MAP3K8: variants seen among roughly 807,000 people sequenced by gnomAD.
MAP3K8 encodes mitogen-activated protein kinase kinase kinase 8.
MAP3K8 carries 22 observed loss-of-function variants against 45.8 expected under a neutral mutation model. That is an observed-to-expected ratio of 0.48 (90% CI 0.34 to 0.69). The LOEUF is 0.69. Among genes scored for constraint, MAP3K8 ranks in the 30% least tolerant of loss-of-function variants. The pLI is 0.01. For synonymous variants in MAP3K8, 223 were observed against 214.3 expected, an observed-to-expected ratio of 1.04 and a Z score of -0.36; for missense variants, 419 against 585.0, an observed-to-expected ratio of 0.72 and a Z score of 2.93.
chr10:30,434,674 G>T, intron 1 of MAP3K8: 1 of 985,538 alleles, frequency 1.0e-6, no homozygotes, highest in Non-Finnish European at 1.2e-6. Context: ...GCGCGGGGAA[G>T]CGGGGACCCG....
At chr10:30,458,258 C>CG in intron 7 of MAP3K8, 22 bp downstream of exon 7, 7 of 499,838 alleles carry the variant, frequency 1.4e-5, no homozygotes, top group South Asian at 5.4e-5. Context: ...TCAACCAGGG[C>CG]TGGGGGCGGC....
chr10:30,448,413 A>ATTT (rs10641056), intron 4 of MAP3K8, among the ~76,000 whole-genome samples: 5,649 of 142,044 alleles, frequency 0.04, 332 homozygotes, highest in African/African-American at 0.12. Context: ...CCTATCCCAA[A>ATTT]TTTATTATTA....
intron 3 of MAP3K8, among the ~76,000 whole-genome samples, chr10:30,446,639 G>A (rs760267935): frequency 1.8e-4 from 27 of 151,920 alleles, no homozygotes; most frequent in African/African-American, 6.0e-4. Context: ...GTACTGAGGC[G>A]ATTTATCCCT....
intron 1 of MAP3K8, among the ~76,000 whole-genome samples, chr10:30,435,274 C>T (rs1052725106): frequency 2.0e-5 from 3 of 152,182 alleles, no homozygotes; most frequent in African/African-American, 4.8e-5. Context: ...TCGTTTGTGC[C>T]AAGGAGAGTG....
intron 3 of MAP3K8, among the ~76,000 whole-genome samples, chr10:30,442,558 A>T (rs1348380797): frequency 6.6e-6 from 1 of 152,226 alleles, no homozygotes; most frequent in Non-Finnish European, 1.5e-5. Flanking sequence ...ACTAAAAATA[A>T]TATTTGTTAA....
chr10:30,447,758 T>C (rs1836390631), intron 3 of MAP3K8, 24 bp from the exon 4 acceptor site: 1 of 1,606,092 alleles, frequency 6.2e-7, no homozygotes, highest in African/African-American at 1.3e-5. Context: ...GTTCTCACCG[T>C]CTCACATTTT....
At chr10:30,443,443 T>C (rs1170218496) in intron 3 of MAP3K8, among the ~76,000 whole-genome samples, 1 of 152,250 alleles carries the variant, frequency 6.6e-6, no homozygotes, top group Non-Finnish European at 1.5e-5. Context: ...CCAGATCTTG[T>C]CTCTTCTTTC....
chr10:30,451,615 A>C, intron 5 of MAP3K8, 23 bp from the exon 6 acceptor site: 1 of 1,422,502 alleles, frequency 7.0e-7, no homozygotes, highest in Non-Finnish European at 9.7e-7. Context: ...ATTTTATCTT[A>C]AAAATATTTC....
chr10:30,453,419 A>G (rs922523744), intron 6 of MAP3K8, among the ~76,000 whole-genome samples: 4 of 152,212 alleles, frequency 2.6e-5, no homozygotes, highest in African/African-American at 9.7e-5. Context: ...TTAAAGATGT[A>G]AAACAGCACT....
At chr10:30,459,571 T>C in intron 8 of MAP3K8, 70 bp downstream of exon 8, 1 of 1,562,566 alleles carries the variant, frequency 6.4e-7, no homozygotes, top group Non-Finnish European at 8.7e-7. Context: ...ACCTCTGATG[T>C]AGTTCATGAA....
At chr10:30,457,721 C>A (rs1481775111) in intron 6 of MAP3K8, among the ~76,000 whole-genome samples, 1 of 152,178 alleles carries the variant, frequency 6.6e-6, no homozygotes, top group Non-Finnish European at 1.5e-5. Context: ...TCTCGGCTCA[C>A]AGCAGCCTCC....
chr10:30,441,711 C>T (rs994281941), intron 3 of MAP3K8, among the ~76,000 whole-genome samples: 7 of 152,144 alleles, frequency 4.6e-5, no homozygotes, highest in African/African-American at 1.7e-4. Context: ...AGATGGACTA[C>T]ATTGCTGTGC....
At chr10:30,446,982 C>T (rs910710153) in intron 3 of MAP3K8, among the ~76,000 whole-genome samples, 4 of 152,038 alleles carry the variant, frequency 2.6e-5, no homozygotes, top group African/African-American at 4.8e-5. Context: ...AACTCCTGGC[C>T]TCAAGATATC....
chr10:30,447,716 G>A (rs927244814), intron 3 of MAP3K8, 66 bp from the exon 4 acceptor site: 3 of 1,205,714 alleles, frequency 2.5e-6, no homozygotes, highest in African/African-American at 1.5e-5. Context: ...CTTCCTAATA[G>A]GTGGGTCTTA....
chr10:30,436,741 C>T (rs1180335879), intron 1 of MAP3K8, among the ~76,000 whole-genome samples: 6 of 150,040 alleles, frequency 4.0e-5, no homozygotes, highest in African/African-American at 1.5e-4. Context: ...CCCAGATCAG[C>T]AGAGTGAATT....
At chr10:30,437,983 C>T (rs8176964) in intron 2 of MAP3K8, among the ~76,000 whole-genome samples, 2,680 of 152,212 alleles carry the variant, frequency 0.018, 79 homozygotes, top group African/African-American at 0.06. Context: ...CAGTTTTTAC[C>T]CTTGCTTTAC....
At chr10:30,459,572 A>G (rs1836862014) in intron 8 of MAP3K8, 71 bp downstream of exon 8, 14 of 1,533,510 alleles carry the variant, frequency 9.1e-6, no homozygotes, top group South Asian at 2.3e-5. Context: ...CCTCTGATGT[A>G]GTTCATGAAA....
At chr10:30,444,853 G>A (rs1836258193) in intron 3 of MAP3K8, among the ~76,000 whole-genome samples, 1 of 152,176 alleles carries the variant, frequency 6.6e-6, no homozygotes, top group Admixed American at 6.5e-5. Flanking sequence ...AGACTAGGAG[G>A]TATGCTTTGG....
intron 6 of MAP3K8, among the ~76,000 whole-genome samples, chr10:30,452,842 A>ATT (rs34295067): frequency 2.7e-5 from 4 of 146,006 alleles, no homozygotes; most frequent in South Asian, 2.2e-4. Context: ...CATCCAGCTA[A>ATT]TTTTTTTTTT....
Sources: gnomAD v4.1 joint callset for allele counts (sites outside exome capture counted in the v4.1 genomes callset) on GRCh38, gnomAD v4.1.1 for gene constraint, MANE v1.5 for transcripts, NCBI Gene and HGNC (gene_info 2026-07-23, HGNC 2026-07-21) for gene names.